VTI1A: variants seen among roughly 807,000 people sequenced by gnomAD.
VTI1A encodes the protein vesicle transport through interaction with t-SNAREs homolog 1A.
A neutral mutation model predicts 34.9 loss-of-function variants in VTI1A; 22 were observed. The ratio of observed to expected loss-of-function variants is 0.63; its 90% CI spans 0.45 to 0.90. VTI1A has a LOEUF of 0.90. Ranked by LOEUF, VTI1A falls within the 40% of genes least tolerant of loss-of-function variation. The pLI is 0.00. For missense variants in VTI1A, 268 were observed against 275.6 expected (o/e 0.97, Z 0.20); for synonymous variants, 87 against 97.3 (o/e 0.89, Z 0.62).
At position 112,651,068 on chromosome 10, in the gene VTI1A, T is replaced by C. The variant is rs1165473116; in HGVS notation, c.428-17150T>C. Among the ~76,000 whole-genome samples the C allele has an allele frequency of 2.0e-5, 3 of 152,240 alleles. No homozygotes were observed. In the East Asian group the frequency reaches 5.8e-4, roughly 29 times the overall value. ...CCTGTTGAGCAATTATAAGTAATGC[T>C]GTGTGGCTTAACCAACATTTAAGGC... On this transcript the variant is annotated intron_variant, in intron 5 of 7. Transcript: ENST00000393077.
intron 3 of VTI1A, among the ~76,000 whole-genome samples, chr10:112,491,968 C>T (rs763594343): frequency 2.6e-4 from 39 of 152,186 alleles, no homozygotes; most frequent in Non-Finnish European, 5.1e-4. Context: ...ACTACTGATG[C>T]CTGGATCCCC....
At chr10:112,840,236 CA>C in the VTI1A span, among the ~76,000 whole-genome samples, 2 of 152,184 alleles carry the variant, frequency 1.3e-5, no homozygotes, top group African/African-American at 4.8e-5. Flanking sequence ...ACTTGATTAA[CA>C]GCTGACAGCT....
intron 5 of VTI1A, among the ~76,000 whole-genome samples, chr10:112,572,223 T>A (rs1852152021): frequency 1.3e-5 from 2 of 152,224 alleles, no homozygotes; most frequent in South Asian, 4.1e-4. Context: ...TGTGTGACTT[T>A]GGGAAAATAA....
At chr10:112,804,204 G>T (rs1027900504) in intron 7 of VTI1A, among the ~76,000 whole-genome samples, 1 of 152,166 alleles carries the variant, frequency 6.6e-6, no homozygotes, top group African/African-American at 2.4e-5. Context: ...CCCTTTTGAT[G>T]TTTATGGGAG....
intron 7 of VTI1A, among the ~76,000 whole-genome samples, chr10:112,800,191 A>G (rs1486865036): frequency 4.6e-5 from 7 of 152,210 alleles, no homozygotes; most frequent in Non-Finnish European, 1.0e-4. Context: ...CTTCACCAAT[A>G]TGTTCCAGGA....
At chr10:112,579,083 A>G (rs772332919) in intron 5 of VTI1A, among the ~76,000 whole-genome samples, 20 of 152,254 alleles carry the variant, frequency 1.3e-4, no homozygotes, top group Non-Finnish European at 2.2e-4. Flanking sequence ...TAGTATCAGC[A>G]ACATGGAAGA....
intron 5 of VTI1A, among the ~76,000 whole-genome samples, chr10:112,540,001 A>G (rs1850801933): frequency 6.6e-6 from 1 of 152,162 alleles, no homozygotes; most frequent in African/African-American, 2.4e-5. Flanking sequence ...AATCACAGGG[A>G]CCTTCCTTGA....
At chr10:112,459,592 G>T (rs1047126502) in intron 1 of VTI1A, among the ~76,000 whole-genome samples, 1 of 152,260 alleles carries the variant, frequency 6.6e-6, no homozygotes, top group South Asian at 2.1e-4. Flanking sequence ...TGAGGAAGAA[G>T]GCCTTTGAAG....
chr10:112,627,297 C>T (rs73350518), intron 5 of VTI1A, among the ~76,000 whole-genome samples: 2,157 of 152,148 alleles, frequency 0.014, 64 homozygotes, highest in African/African-American at 0.05. Context: ...ATGAAAATAC[C>T]TTCCATTGAT....
intron 3 of VTI1A, among the ~76,000 whole-genome samples, chr10:112,495,275 G>T (rs1227352989): frequency 7.8e-6 from 1 of 128,154 alleles, no homozygotes; most frequent in Non-Finnish European, 1.6e-5. Context: ...CAAGCATATA[G>T]AAAAGTGAGA....
chr10:112,825,983 A>C, the VTI1A span: 1 of 152,252 alleles, frequency 6.6e-6, no homozygotes, highest in Admixed American at 6.5e-5. Context: ...ATTAACTAGC[A>C]AATTTAAAAC....
At chr10:112,846,765 C>CAA in the VTI1A span, among the ~76,000 whole-genome samples, 14 of 60,574 alleles carry the variant, frequency 2.3e-4, no homozygotes, top group South Asian at 1.6e-3. Context: ...GACTCCGTCT[C>CAA]AAAAAAAAAA....
chr10:112,546,226 C>CAG (rs1554901107), intron 5 of VTI1A, among the ~76,000 whole-genome samples: 1 of 150,102 alleles, frequency 6.7e-6, no homozygotes, highest in Non-Finnish European at 1.5e-5. Flanking sequence ...CACACACACA[C>CAG]ATATATATAT....
intron 7 of VTI1A, among the ~76,000 whole-genome samples, chr10:112,781,126 G>A (rs1165880855): frequency 6.6e-6 from 1 of 152,198 alleles, no homozygotes; most frequent in East Asian, 1.9e-4. Context: ...TTGTAGTTTA[G>A]TAGAGGCGGG....
chr10:112,685,475 C>T (rs535739767), intron 7 of VTI1A, among the ~76,000 whole-genome samples: 1 of 152,094 alleles, frequency 6.6e-6, no homozygotes, highest in Non-Finnish European at 1.5e-5. Context: ...ATCCTATTGC[C>T]TCATCTCTTA....
the VTI1A span, chr10:112,832,286 C>T: frequency 1.2e-4 from 19 of 152,298 alleles, no homozygotes; most frequent in African/African-American, 3.4e-4. Flanking sequence ...AAATACAACA[C>T]GTAAAATGTG....
At chr10:112,620,851 G>T (rs1845708768) in intron 5 of VTI1A, among the ~76,000 whole-genome samples, 1 of 151,860 alleles carries the variant, frequency 6.6e-6, no homozygotes, top group African/African-American at 2.4e-5. Flanking sequence ...AGAGATAGGA[G>T]AATTCAGAGA....
intron 5 of VTI1A, among the ~76,000 whole-genome samples, chr10:112,579,472 T>C (rs1843838853): frequency 6.6e-6 from 1 of 151,814 alleles, no homozygotes; most frequent in South Asian, 2.1e-4. Flanking sequence ...GAGGCCGAGG[T>C]GGGAGGATGG....
intron 3 of VTI1A, among the ~76,000 whole-genome samples, chr10:112,496,997 AG>A (rs1849049742): frequency 6.6e-6 from 1 of 152,168 alleles, no homozygotes; most frequent in African/African-American, 2.4e-5. Flanking sequence ...GAAACATATG[AG>A]GACATGTGAC....
Sources: gnomAD v4.1 joint callset for allele counts (sites outside exome capture counted in the v4.1 genomes callset) on GRCh38, gnomAD v4.1.1 for gene constraint, MANE v1.5 for transcripts, NCBI Gene and HGNC (gene_info 2026-07-23, HGNC 2026-07-21) for gene names.